PLPPR1: variants seen among roughly 807,000 people sequenced by gnomAD.
The protein encoded by PLPPR1 is phospholipid phosphatase-related protein type 1.
PLPPR1 carries 10 observed loss-of-function variants against 33.1 expected under a neutral mutation model. The observed-to-expected ratio is 0.30, with a 90% CI of 0.19 to 0.51. The LOEUF (loss-of-function observed/expected upper bound fraction) is 0.51. Among genes scored for constraint, PLPPR1 ranks in the 20% least tolerant of loss-of-function variants. The pLI, the probability that PLPPR1 is intolerant of heterozygous loss-of-function variation, is 0.97. For missense variants in PLPPR1, 304 were observed against 408.1 expected, an observed-to-expected ratio of 0.74 and a Z score of 2.20; for synonymous variants, 151 against 151.0, an observed-to-expected ratio of 1.00 and a Z score of 0.00.
intron 4 of PLPPR1, among the ~76,000 whole-genome samples, chr9:101,308,951 A>G (rs1333266476): frequency 1.3e-5 from 2 of 152,196 alleles, no homozygotes; most frequent in Non-Finnish European, 2.9e-5. Flanking sequence ...ATGACTCCAA[A>G]ATTCAAATTA....
At chr9:101,248,714 C>T (rs1827658755) in intron 2 of PLPPR1, among the ~76,000 whole-genome samples, 1 of 152,026 alleles carries the variant, frequency 6.6e-6, no homozygotes, top group Non-Finnish European at 1.5e-5. Flanking sequence ...AATCTCTAAG[C>T]AGCTTAATAC....
At chr9:101,174,795 A>G (rs1392333483) in intron 1 of PLPPR1, among the ~76,000 whole-genome samples, 2 of 152,206 alleles carry the variant, frequency 1.3e-5, no homozygotes, top group African/African-American at 2.4e-5. Context: ...TCATATTCCA[A>G]TGAAGTCTGA....
At chr9:101,156,915 A>T (rs12345425) in intron 1 of PLPPR1, among the ~76,000 whole-genome samples, 23,615 of 71,058 alleles carry the variant, frequency 0.33, 2,158 homozygotes, top group Non-Finnish European at 0.45. Flanking sequence ...TCCCTATATG[A>T]CATATAAAGA....
chr9:101,283,360 C>T (rs1310300214), intron 3 of PLPPR1, among the ~76,000 whole-genome samples: 2 of 152,126 alleles, frequency 1.3e-5, no homozygotes, highest in Admixed American at 1.3e-4. Flanking sequence ...TAAATCCACA[C>T]GTTTATAGCC....
intron 5 of PLPPR1, 118 bp from the exon 6 acceptor site, chr9:101,312,680 G>A: frequency 1.5e-6 from 1 of 686,228 alleles, no homozygotes; most frequent in South Asian, 1.8e-5. Flanking sequence ...TAGTTAGTGT[G>A]GTTGCTTTGA....
At chr9:101,229,515 T>G (rs1827139860) in intron 2 of PLPPR1, among the ~76,000 whole-genome samples, 1 of 152,144 alleles carries the variant, frequency 6.6e-6, no homozygotes, top group Admixed American at 6.6e-5. Context: ...TTTGATGTAT[T>G]TCCTTCTAAT....
chr9:101,208,216 G>A (rs910861891), intron 2 of PLPPR1, among the ~76,000 whole-genome samples: 1 of 152,166 alleles, frequency 6.6e-6, no homozygotes, highest in Non-Finnish European at 1.5e-5. Context: ...GGATTTTTAA[G>A]GGGACAGTGT....
chr9:101,160,919 C>A (rs1831764445), intron 1 of PLPPR1, among the ~76,000 whole-genome samples: 1 of 152,168 alleles, frequency 6.6e-6, no homozygotes, highest in South Asian at 2.1e-4. Context: ...GGATGGTTGA[C>A]TGGATATAAA....
intron 1 of PLPPR1, among the ~76,000 whole-genome samples, chr9:101,092,541 T>C (rs946495): frequency 1 from 151,706 of 152,280 alleles, 75,566 homozygotes; most frequent in Middle Eastern, 1. Context: ...TCTTGAGCCT[T>C]ATCCTACCTC....
At chr9:101,287,782 T>C (rs1335444630) in intron 4 of PLPPR1, among the ~76,000 whole-genome samples, 1 of 152,152 alleles carries the variant, frequency 6.6e-6, no homozygotes, top group Non-Finnish European at 1.5e-5. Context: ...ATTACAGACA[T>C]GAGCCACTGT....
chr9:101,059,237 T>C (rs1194965853), intron 1 of PLPPR1, among the ~76,000 whole-genome samples: 1 of 152,144 alleles, frequency 6.6e-6, no homozygotes, highest in Non-Finnish European at 1.5e-5. Context: ...TCAAAGAATT[T>C]GCTTGTTTAT....
intron 7 of PLPPR1, among the ~76,000 whole-genome samples, chr9:101,318,801 A>C (rs938364888): frequency 7.2e-5 from 11 of 152,002 alleles, no homozygotes; most frequent in African/African-American, 2.4e-4. Flanking sequence ...AACAAACAAA[A>C]AAAACACTGA....
chr9:101,222,449 A>G (rs1441591680), intron 2 of PLPPR1, among the ~76,000 whole-genome samples: 1 of 152,146 alleles, frequency 6.6e-6, no homozygotes, highest in Non-Finnish European at 1.5e-5. Context: ...GAGAGCCTTA[A>G]AGATGGTATG....
chr9:101,049,669 C>T lies in PLPPR1; in HGVS notation c.-46+20567C>T, dbSNP rs2094764. 1.9e-4 allele frequency among the ~76,000 whole-genome samples: 29 copies of T among 152,072 alleles called. No homozygotes were observed. The East Asian group carries it at 5.0e-3, about 26-fold the overall frequency. ...GACTTAAACTCTGATGGGCTGGCTC[C>T]GAAGTTGCCATTCTTAATGACTATG... On this transcript the variant is annotated intron_variant, in intron 1 of 7. Transcript: ENST00000374874.
chr9:101,319,115 A>G (rs988417093), intron 7 of PLPPR1, among the ~76,000 whole-genome samples: 1 of 152,222 alleles, frequency 6.6e-6, no homozygotes, highest in Non-Finnish European at 1.5e-5. Context: ...GCAATATAAA[A>G]TAATATTTTC....
intron 2 of PLPPR1, among the ~76,000 whole-genome samples, chr9:101,266,821 T>C (rs1017942684): frequency 1.3e-5 from 2 of 152,240 alleles, no homozygotes; most frequent in African/African-American, 4.8e-5. Flanking sequence ...TGAGTTCTTT[T>C]CCTATGTATA....
intron 2 of PLPPR1, among the ~76,000 whole-genome samples, chr9:101,234,297 T>C (rs552827576): frequency 1.3e-5 from 2 of 152,068 alleles, no homozygotes; most frequent in East Asian, 3.9e-4. Flanking sequence ...AGGGTGAGTT[T>C]ACCTTGAAAT....
At chr9:101,045,184 C>T (rs1028034743) in intron 1 of PLPPR1, among the ~76,000 whole-genome samples, 5 of 152,174 alleles carry the variant, frequency 3.3e-5, no homozygotes, top group African/African-American at 9.7e-5. Context: ...TCAATGCCCT[C>T]GACCTCTGTA....
intron 1 of PLPPR1, among the ~76,000 whole-genome samples, chr9:101,090,777 C>A (rs1022438943): frequency 1.3e-5 from 2 of 151,986 alleles, no homozygotes; most frequent in African/African-American, 4.8e-5. Flanking sequence ...TTGGGACCCA[C>A]CTTTCCTTCT....
Sources: gnomAD v4.1 joint callset for allele counts (sites outside exome capture counted in the v4.1 genomes callset) on GRCh38, gnomAD v4.1.1 for gene constraint, MANE v1.5 for transcripts, NCBI Gene and HGNC (gene_info 2026-07-23, HGNC 2026-07-21) for gene names.